The following C1orf159 variants were observed in gnomAD, a reference collection of about 807,000 sequenced individuals.
The protein encoded by C1orf159 is chromosome 1 open reading frame 159.
A neutral mutation model predicts 25.6 loss-of-function variants in C1orf159; 19 were observed. The ratio of observed to expected loss-of-function variants is 0.74; its 90% CI spans 0.52 to 1.09. The LOEUF (loss-of-function observed/expected upper bound fraction) is 1.09. Among genes scored for constraint, C1orf159 ranks in the 50% least tolerant of loss-of-function variants. The probability of loss-of-function intolerance (pLI) is 0.00; values close to 1 mark genes in which losing one functional copy is unlikely to be tolerated. For missense variants in C1orf159, 274 were observed against 290.6 expected (o/e 0.94, Z 0.42); for synonymous variants, 139 against 124.7 (o/e 1.12, Z -0.77).
In C1orf159 at chr1:1,089,324, G is replaced by T. The variant is rs145352281; in HGVS notation, c.148+1029C>A. ...GGGTACACAATCCCTCACAGGAGAC[G>T]CCACGGCCCCAGCACTCTTGCTGCC... On this transcript the variant is annotated intron_variant, in intron 4 of 9. Transcript: ENST00000421241. The surrounding 1 kb of genome is among the most constrained non-coding windows in gnomAD (Gnocchi z 7.5). Among the ~76,000 whole-genome samples, 1 of 152,090 alleles carries T rather than the reference G, an allele frequency of 6.6e-6. No individual in the cohort carries two copies. The highest frequency in any genetic ancestry group is 2.4e-5 in the African/African-American group (1 of 41,406).
intron 1 of C1orf159, among the ~76,000 whole-genome samples, chr1:1,095,107 C>G (rs913257243): frequency 1.3e-5 from 2 of 152,226 alleles, no homozygotes; most frequent in Non-Finnish European, 2.9e-5. Context: ...GACACTGCGG[C>G]TGACTGGATT....
In C1orf159 at chr1:1,089,270, C is replaced by T. The variant is rs998419443; in HGVS notation, c.148+1083G>A. On this transcript the variant is annotated intron_variant, in intron 4 of 9. Transcript: ENST00000421241. The surrounding 1 kb of genome is among the most constrained non-coding windows in gnomAD (Gnocchi z 7.5). Reference sequence around the variant, plus strand: ...CCCTCCATGGGCACCGTGACTGCTGCACAGCTGCCTGCACCCACAGAGTGC... The same window carrying T: ...CCCTCCATGGGCACCGTGACTGCTGTACAGCTGCCTGCACCCACAGAGTGC... 2.0e-5 allele frequency among the ~76,000 whole-genome samples: 3 copies of T among 152,184 alleles called. No individual in the cohort carries two copies. Among genetic ancestry groups the T allele is most frequent in the Non-Finnish European group, 4.4e-5 (3 of 68,014 alleles).
chr1:1,112,314 T>C (rs990372385), intron 1 of C1orf159, among the ~76,000 whole-genome samples: 4 of 152,228 alleles, frequency 2.6e-5, no homozygotes, highest in Non-Finnish European at 4.4e-5. Context: ...TTCTATGACC[T>C]TCTAGGGACG....
intron 1 of C1orf159, among the ~76,000 whole-genome samples, chr1:1,104,376 G>C (rs528709118): frequency 5.1e-4 from 77 of 152,326 alleles, no homozygotes; most frequent in African/African-American, 1.8e-3. Context: ...GCAAAAACAG[G>C]AAACTGTGCT....
rs1008948107 is a variant in C1orf159, at chr1:1,083,508, C to T, written c.503-521G>A. 140 of 236,664 alleles carry T rather than the reference C, an allele frequency of 5.9e-4. 2 individuals carry two copies. The highest frequency in any genetic ancestry group is 3.4e-4 in the Non-Finnish European group (41 of 120,800). 14.7% of individuals were successfully genotyped at this position (236,664 alleles called of 1,614,324 possible). ...ACGCCGTGGGACCAGGGGACAGAGA[C>T]GGGCAACGCAGCCACAGATGCCTGA... On this transcript the variant is annotated intron_variant, in intron 9 of 9. Coordinates refer to ENST00000421241, the MANE Select transcript of C1orf159 (RefSeq NM_017891.5).
At chr1:1,090,260 C>T in intron 4 of C1orf159, 93 bp downstream of exon 4, 1 of 1,271,562 alleles carries the variant, frequency 7.9e-7, no homozygotes, top group Non-Finnish European at 1.1e-6. Flanking sequence ...CACAGATGAG[C>T]ACTGTCCTTG....
intron 3 of C1orf159, 191 bp from the exon 4 acceptor site, chr1:1,090,619 T>TGC: frequency 2.9e-6 from 2 of 698,954 alleles, no homozygotes; most frequent in Non-Finnish European, 4.9e-6. Context: ...ACAGCCACAG[T>TGC]GCACATCCCT....
At position 1,110,607 on chromosome 1, in the gene C1orf159, G is replaced by T. The variant is rs183895118; in HGVS notation, c.-136+5453C>A. 1.1e-3 allele frequency among the ~76,000 whole-genome samples: 172 copies of T among 151,368 alleles called. 2 individuals are homozygous for T. Among genetic ancestry groups the T allele is most frequent in the African/African-American group, 4.1e-3 (167 of 40,710 alleles). ...ACGACCAAACGGCACTCAGCCTCTC[G>T]GCTGTGGGGACACACAGAACCGCTG... On this transcript the variant is annotated intron_variant, in intron 1 of 9. Transcript: ENST00000421241. The surrounding 1 kb of genome is among the most constrained non-coding windows in gnomAD (Gnocchi z 4.8).
intron 7 of C1orf159, 111 bp from the exon 8 acceptor site, chr1:1,084,617 T>G: frequency 7.2e-7 from 1 of 1,397,558 alleles, no homozygotes; most frequent in Admixed American, 2.2e-5. Flanking sequence ...CTCAGCCCAG[T>G]GCGGCGTCCT....
At chr1:1,102,315 T>C (rs759959819) in intron 1 of C1orf159, among the ~76,000 whole-genome samples, 1 of 151,742 alleles carries the variant, frequency 6.6e-6, no homozygotes, top group Non-Finnish European at 1.5e-5. Flanking sequence ...GGCTTAGATA[T>C]CACCTACAGG....
Position 1,100,008 on chromosome 1 carries a change from T to A in C1orf159, c.-135-7905A>T, listed in dbSNP as rs1427170431. ...GGCACATGCCCCTAATCCCAGCTAT[T>A]CTGGAGACTGAGGCAGGAGGATCAC... On this transcript the variant is annotated intron_variant, in intron 1 of 9. Coordinates refer to ENST00000421241, the MANE Select transcript of C1orf159 (RefSeq NM_017891.5). 2.6e-5 allele frequency among the ~76,000 whole-genome samples: 4 copies of A among 152,216 alleles called. No homozygotes were observed. The South Asian group carries it at 8.3e-4, about 31-fold the overall frequency.
At chr1:1,113,301 T>C (rs1646287198) in intron 1 of C1orf159, among the ~76,000 whole-genome samples, 1 of 152,196 alleles carries the variant, frequency 6.6e-6, no homozygotes, top group African/African-American at 2.4e-5. Context: ...TGACATACTT[T>C]GGTGCTGAAA....
At chr1:1,094,677 G>A (rs1645986099) in intron 1 of C1orf159, among the ~76,000 whole-genome samples, 1 of 152,228 alleles carries the variant, frequency 6.6e-6, no homozygotes, top group Admixed American at 6.5e-5. Context: ...TAGGATTACA[G>A]GCATGAGCCA....
chr1:1,087,751 C>T lies in C1orf159; in HGVS notation c.149-154G>A, dbSNP rs1645854840. 3 of 638,948 alleles carry T rather than the reference C, an allele frequency of 4.7e-6. No individual in the cohort carries two copies. The Admixed American group carries it at 8.1e-5, about 17-fold the overall frequency. The allele number at this position is 638,948 out of a possible 1,614,324, so 39.6% of individuals were successfully genotyped here. ...AGGTGGGCGGCAGACAAGGACACCC[C>T]CAGGGAGCATGGCGGGGCCGTGAGC... On this transcript the variant is annotated intron_variant, in intron 4 of 9. Transcript: ENST00000421241. This position sits in a 1 kb window ranked among gnomAD's most constrained non-coding sequence, Gnocchi z 8.3.
Position 1,090,373 on chromosome 1 carries a change from C to G in C1orf159, c.128G>C (p.Gly43Ala). Residue 43 changes from glycine to alanine, a missense_variant, in exon 4 of 10, where the codon GGC becomes GCC. Physicochemically the swap from Gly to Ala is moderately conservative, Grantham distance 60. Transcript: ENST00000421241. ...DVVGVNASCP[G>A]ASLCGPGCYR... ...CTTACCTGGACCACACAGACTTGCGCCTGGGCAGCTGGCGTTGACGCCCAC... is the reference window on the plus strand; with the variant it reads ...CTTACCTGGACCACACAGACTTGCGGCTGGGCAGCTGGCGTTGACGCCCAC... The G allele has an allele frequency of 1.3e-6, 2 of 1,550,550 alleles. No homozygotes were observed. Among genetic ancestry groups the G allele is most frequent in the Non-Finnish European group, 1.7e-6 (2 of 1,146,956 alleles).
intron 1 of C1orf159, among the ~76,000 whole-genome samples, chr1:1,093,326 T>C (rs563341663): frequency 6.6e-6 from 1 of 152,306 alleles, no homozygotes; most frequent in Non-Finnish European, 1.5e-5. Context: ...GAACCAGAAG[T>C]CCAAGATTTC....
chr1:1,103,579 CAG>C (rs1646132514), intron 1 of C1orf159, among the ~76,000 whole-genome samples: 1 of 152,072 alleles, frequency 6.6e-6, no homozygotes, highest in Non-Finnish European at 1.5e-5. Context: ...ACGCAGGGGT[CAG>C]GGGTCTGCCA....
chr1:1,088,145 TCCC>T (rs1397964990), intron 4 of C1orf159, among the ~76,000 whole-genome samples: 1 of 10,164 alleles, frequency 9.8e-5, no homozygotes, highest in Non-Finnish European at 1.9e-4. Context: ...GCCCCAGGCC[TCCC>T]CCAAGACCCC....
intron 1 of C1orf159, among the ~76,000 whole-genome samples, chr1:1,114,462 C>T (rs1646306376): frequency 6.6e-6 from 1 of 152,342 alleles, no homozygotes; most frequent in South Asian, 2.1e-4. Context: ...CCCAGTAAGT[C>T]AAAGCTCAGG....
Sources: gnomAD v4.1 joint callset for allele counts (sites outside exome capture counted in the v4.1 genomes callset) on GRCh38, gnomAD v4.1.1 for gene constraint, Gnocchi (gnomAD v3.1) non-coding constraint, MANE v1.5 for transcripts, NCBI Gene and HGNC (gene_info 2026-07-23, HGNC 2026-07-21) for gene names.